Variants in RMDN2 observed in about 807,000 individuals in gnomAD.
The protein encoded by RMDN2 is regulator of microtubule dynamics protein 2.
In RMDN2, 61 loss-of-function variants were observed where a neutral mutation model predicts 52.8. The observed-to-expected ratio is 1.16, with a 90% confidence interval of 0.94 to 1.43. The LOEUF is 1.43. RMDN2 is among the 40% of genes most tolerant of loss of function. The pLI is 0.00. For synonymous variants in RMDN2, 180 were observed against 153.1 expected (o/e 1.18, Z -1.30); for missense variants, 592 against 475.3 (o/e 1.25, Z -2.28).
intron 5 of RMDN2, among the ~76,000 whole-genome samples, chr2:37,988,268 T>C (rs746500331): frequency 2.0e-5 from 3 of 152,228 alleles, no homozygotes; most frequent in Non-Finnish European, 4.4e-5. Flanking sequence ...AATCTGCTTT[T>C]CTTGAATTTG....
At chr2:38,011,021 A>C (rs1360193295) in intron 10 of RMDN2, among the ~76,000 whole-genome samples, 1 of 152,216 alleles carries the variant, frequency 6.6e-6, no homozygotes, top group Non-Finnish European at 1.5e-5. Context: ...TGAAGCAAGC[A>C]TAATTCCTTC....
chr2:38,054,791 G>C (rs1280168266), intron 10 of RMDN2, among the ~76,000 whole-genome samples: 3 of 152,032 alleles, frequency 2.0e-5, no homozygotes, highest in Non-Finnish European at 4.4e-5. Context: ...AAACTACCCA[G>C]TGCACGACTC....
chr2:38,011,617 C>A (rs951172490), intron 10 of RMDN2, among the ~76,000 whole-genome samples: 4 of 152,200 alleles, frequency 2.6e-5, no homozygotes, highest in Admixed American at 2.0e-4. Flanking sequence ...TGATGTGTGT[C>A]CAAATAACTA....
chr2:37,989,296 G>A (rs1381740995), intron 5 of RMDN2, among the ~76,000 whole-genome samples: 1 of 152,092 alleles, frequency 6.6e-6, no homozygotes, highest in Non-Finnish European at 1.5e-5. Context: ...CACACTACCT[G>A]TTTTGGCTTA....
chr2:38,040,223 TTCTGTG>T (rs1194596772), intron 10 of RMDN2, among the ~76,000 whole-genome samples: 1 of 152,148 alleles, frequency 6.6e-6, no homozygotes, highest in African/African-American at 2.4e-5. Flanking sequence ...TTCCATTGAT[TTCTGTG>T]TCTATTCTTT....
upstream of RMDN2, among the ~76,000 whole-genome samples, chr2:37,921,682 C>G (rs1300651299): frequency 6.6e-6 from 1 of 152,168 alleles, no homozygotes; most frequent in Non-Finnish European, 1.5e-5. Context: ...AGTGTTCTAT[C>G]AAAGGCAGGG....
At chr2:38,000,278 C>T (rs1179168554) in intron 8 of RMDN2, among the ~76,000 whole-genome samples, 1 of 152,178 alleles carries the variant, frequency 6.6e-6, no homozygotes, top group African/African-American at 2.4e-5. Context: ...ATCTGAGGCA[C>T]CTTACAAAAT....
intron 10 of RMDN2, chr2:38,030,830 A>G (rs1419638900): frequency 6.6e-6 from 1 of 152,236 alleles, no homozygotes; most frequent in Non-Finnish European, 1.5e-5. Flanking sequence ...TCTGGCCTGC[A>G]CAGCGAGAAA....
At chr2:38,007,502 T>C (rs1254948362) in intron 10 of RMDN2, among the ~76,000 whole-genome samples, 1 of 152,254 alleles carries the variant, frequency 6.6e-6, no homozygotes, top group Non-Finnish European at 1.5e-5. Flanking sequence ...TAGAGGTGTT[T>C]ATAGTATTCT....
intron 10 of RMDN2, chr2:38,029,541 A>G (rs1206061770): frequency 6.6e-6 from 1 of 152,082 alleles, no homozygotes; most frequent in African/African-American, 2.4e-5. Context: ...CCTGTGCTCA[A>G]TTAACATTTG....
intron 1 of RMDN2, among the ~76,000 whole-genome samples, chr2:37,927,345 C>T (rs369985007): frequency 1.3e-5 from 2 of 152,144 alleles, no homozygotes; most frequent in Admixed American, 6.5e-5. Flanking sequence ...GGGTAAGTGA[C>T]TTGACACCTG....
downstream of RMDN2, among the ~76,000 whole-genome samples, chr2:38,018,907 C>T (rs147580204): frequency 6.9e-3 from 1,053 of 152,264 alleles, 7 homozygotes; most frequent in African/African-American, 0.024. Context: ...CGCACACACA[C>T]ATTTATACAC....
chr2:37,939,554 G>C (rs1667600635), intron 2 of RMDN2, among the ~76,000 whole-genome samples: 1 of 152,134 alleles, frequency 6.6e-6, no homozygotes, highest in Admixed American at 6.5e-5. Context: ...CTAAGAAATT[G>C]CTTTATGAAT....
chr2:37,997,360 TAATC>T (rs1675696216), intron 7 of RMDN2, 52 bp from the exon 8 acceptor site: 2 of 1,038,650 alleles, frequency 1.9e-6, no homozygotes, highest in Non-Finnish European at 3.1e-6. Flanking sequence ...TGGGGAGAGA[TAATC>T]CATTCAAAAG....
intron 2 of RMDN2, among the ~76,000 whole-genome samples, chr2:37,946,115 A>G (rs2124941895): frequency 6.6e-6 from 1 of 152,344 alleles, no homozygotes; most frequent in Admixed American, 6.5e-5. Flanking sequence ...CAAAAATCAA[A>G]TCGTATCTTA....
chr2:37,922,561 C>G (rs1290994625), upstream of RMDN2, among the ~76,000 whole-genome samples: 5 of 152,108 alleles, frequency 3.3e-5, no homozygotes, highest in Non-Finnish European at 4.4e-5. Context: ...GCCAGGTTCC[C>G]AAGATACAAA....
chr2:37,938,919 A>G (rs748642825), intron 2 of RMDN2, among the ~76,000 whole-genome samples: 7 of 151,824 alleles, frequency 4.6e-5, no homozygotes, highest in Admixed American at 6.6e-5. Flanking sequence ...GATCTTAGTT[A>G]TTTCTCATCT....
downstream of RMDN2, among the ~76,000 whole-genome samples, chr2:38,022,379 G>T (rs529030102): frequency 7.1e-4 from 108 of 152,282 alleles, no homozygotes; most frequent in African/African-American, 2.6e-3. Context: ...CATGGTGCTT[G>T]ACCTCAGAGA....
intron 2 of RMDN2, among the ~76,000 whole-genome samples, chr2:37,936,001 C>G (rs918536815): frequency 1.3e-5 from 2 of 152,128 alleles, no homozygotes; most frequent in Non-Finnish European, 2.9e-5. Context: ...CTGCACCTAT[C>G]AACCCGTCAT....
Sources: allele counts gnomAD v4.1 joint callset (sites outside exome capture counted in the v4.1 genomes callset), GRCh38; gene constraint gnomAD v4.1.1; transcripts MANE v1.5; gene names NCBI Gene and HGNC (gene_info 2026-07-23, HGNC 2026-07-21).